FKTN: variants seen among roughly 807,000 people sequenced by gnomAD.
FKTN encodes ribitol-5-phosphate transferase FKTN.
A neutral mutation model predicts 58.6 loss-of-function variants in FKTN; 47 were observed. The observed-to-expected ratio is 0.80, with a 90% CI of 0.63 to 1.02. FKTN has a LOEUF of 1.02. Among genes scored for constraint, FKTN ranks in the 50% least tolerant of loss-of-function variants. FKTN has a pLI of 0.00. For missense variants in FKTN, 516 were observed against 537.3 expected (o/e 0.96, Z 0.39); for synonymous variants, 178 against 191.9 (o/e 0.93, Z 0.60).
intron 10 of FKTN, among the ~76,000 whole-genome samples, chr9:105,621,284 G>A (rs1831891727): frequency 6.6e-6 from 1 of 152,070 alleles, no homozygotes; most frequent in African/African-American, 2.4e-5. Flanking sequence ...AGATGGCTGA[G>A]TAGAGTAGTT....
At chr9:105,576,159 T>C (rs1182399312) in intron 3 of FKTN, among the ~76,000 whole-genome samples, 3 of 151,262 alleles carry the variant, frequency 2.0e-5, no homozygotes, top group Non-Finnish European at 1.5e-5. Context: ...TTTTTTTTTT[T>C]TTAATTAATT....
At chr9:105,632,333 G>A (rs1186408612) in intron 10 of FKTN, among the ~76,000 whole-genome samples, 21 of 151,898 alleles carry the variant, frequency 1.4e-4, no homozygotes, top group Middle Eastern at 3.4e-3. Context: ...ACGAGTTAGT[G>A]GGTGCAGTGC....
chr9:105,615,134 T>A lies in FKTN; in HGVS notation c.781-144T>A. On this transcript the variant is annotated intron_variant, in intron 7 of 10. Coordinates refer to ENST00000357998, the MANE Select transcript of FKTN (RefSeq NM_001079802.2). ...CCTGACCCCAAGTGATCCACCTGCC[T>A]TGGCTTCCCAAAGTTCTGGGGTTAC... 8 of 822,486 alleles carry A rather than the reference T, an allele frequency of 9.7e-6. No individual in the cohort carries two copies. The Admixed American group carries it at 1.6e-4, about 16-fold the overall frequency. 50.9% of individuals were successfully genotyped at this position (822,486 alleles called of 1,614,324 possible). A position where few individuals can be genotyped will look rare whatever the true frequency, so the allele number is the denominator to read the frequency against.
In FKTN at chr9:105,637,685, T is replaced by G; in HGVS notation, c.*2421T>G. The G allele has an allele frequency of 1.0e-6, 1 of 985,408 alleles. No homozygotes were observed. Among genetic ancestry groups the G allele is most frequent in the Non-Finnish European group, 1.2e-6 (1 of 829,904 alleles). The allele number at this position is 985,408 out of a possible 1,614,324, so 61.0% of individuals were successfully genotyped here. ...CACTTTCAGGTTTAGTTTACCTGGC[T>G]TACCTGGGGAAGTTGACAACTTGTT... On this transcript the variant is annotated 3_prime_UTR_variant, in exon 11 of 11. Coordinates refer to ENST00000357998, the MANE Select transcript of FKTN (RefSeq NM_001079802.2).
At chr9:105,620,977 G>C (rs1476663552) in intron 10 of FKTN, among the ~76,000 whole-genome samples, 1 of 152,038 alleles carries the variant, frequency 6.6e-6, no homozygotes, top group Non-Finnish European at 1.5e-5. Flanking sequence ...GCCAGTATTA[G>C]AGTCCTGTTA....
chr9:105,592,389 A>C (rs1845054564), intron 3 of FKTN, among the ~76,000 whole-genome samples: 1 of 152,182 alleles, frequency 6.6e-6, no homozygotes, highest in African/African-American at 2.4e-5. Flanking sequence ...CTATAATCTC[A>C]GCACTTTGGT....
In FKTN at chr9:105,617,673, TCAAA is replaced by T. The variant is rs142409956; in HGVS notation, c.911-281_911-278del. 0.017 allele frequency among the ~76,000 whole-genome samples: 2,535 copies of T among 152,222 alleles called. 91 individuals are homozygous for T. Among genetic ancestry groups the T allele is most frequent in the African/African-American group, 0.056 (2,343 of 41,510 alleles). On this transcript the variant is annotated intron_variant, in intron 8 of 10. Coordinates refer to ENST00000357998, the MANE Select transcript of FKTN (RefSeq NM_001079802.2). ...ATAGATAGAAGGTTCAGGTGACTGC[TCAAA>T]CAAAGTCATTTAGTTTGAGGTTTAA...
intron 1 of FKTN, among the ~76,000 whole-genome samples, chr9:105,559,802 A>G (rs185222937): frequency 4.6e-4 from 70 of 152,318 alleles, no homozygotes; most frequent in African/African-American, 1.6e-3. Flanking sequence ...GTTTTCTCTC[A>G]CAGGTGGTAG....
intron 3 of FKTN, among the ~76,000 whole-genome samples, chr9:105,593,630 C>T (rs1845307011): frequency 6.6e-6 from 1 of 152,136 alleles, no homozygotes; most frequent in African/African-American, 2.4e-5. Context: ...AAAGTGCCAA[C>T]ATCTGAGGTT....
At chr9:105,582,309 A>G (rs748827329) in intron 3 of FKTN, among the ~76,000 whole-genome samples, 6 of 152,140 alleles carry the variant, frequency 3.9e-5, no homozygotes, top group East Asian at 3.9e-4. Flanking sequence ...TCCTGCCTCA[A>G]TCTCCTGAGT....
At chr9:105,622,956 G>C (rs2518133) in intron 10 of FKTN, 7 of 152,056 alleles carry the variant, frequency 4.6e-5, no homozygotes, top group Non-Finnish European at 1.0e-4. Context: ...TTAGTTCTCA[G>C]TCTTTCACTT....
rs1833996297 is a variant in FKTN at position 105,635,871 on chromosome 9, T to C, written c.*607T>C. The stretch of plus-strand genomic sequence containing the variant: ...CTTTTAGGGAAGGTGAGAGCTTATT[T>C]GTATCAGAGCTTATTACTTGTCAGG... On this transcript the variant is annotated 3_prime_UTR_variant, in exon 11 of 11. Coordinates refer to ENST00000357998, the MANE Select transcript of FKTN (RefSeq NM_001079802.2). The C allele has an allele frequency of 2.0e-6, 2 of 992,708 alleles. No individual in the cohort carries two copies. 61.5% of individuals were successfully genotyped at this position (992,708 alleles called of 1,614,324 possible). A position where few individuals can be genotyped will look rare whatever the true frequency, so the allele number is the denominator to read the frequency against.
At chr9:105,617,234 G>A (rs1198140890) in intron 8 of FKTN, among the ~76,000 whole-genome samples, 3 of 152,128 alleles carry the variant, frequency 2.0e-5, no homozygotes, top group Admixed American at 6.5e-5. Context: ...AAGATCATAG[G>A]GGAGACCCAG....
chr9:105,595,178 G>C (rs193095047), intron 3 of FKTN, among the ~76,000 whole-genome samples: 1 of 152,278 alleles, frequency 6.6e-6, no homozygotes, highest in Admixed American at 6.5e-5. Flanking sequence ...AGTGGAGGAG[G>C]AAAGGGGAGT....
intron 1 of FKTN, among the ~76,000 whole-genome samples, chr9:105,566,745 A>T (rs1839699196): frequency 6.6e-6 from 1 of 152,228 alleles, no homozygotes; most frequent in African/African-American, 2.4e-5. Flanking sequence ...ATTCCTTCTG[A>T]AATTATTCCA....
In FKTN at chr9:105,619,995, T is replaced by C. The variant is rs780791268; in HGVS notation, c.1106T>C (p.Phe369Ser). The stretch of plus-strand genomic sequence containing the variant: ...GATGATGTAAAACTTGATGTTTTTT[T>C]CTTCTATGAAGAAACTGATCACATG... ...GKDDVKLDVF[F>S]FYEETDHMWN... The change falls in exon 10 of 11, where the codon TTC becomes TCC. Residue 369 changes from phenylalanine to serine, a missense_variant. Transcript: ENST00000357998. 6.2e-7 allele frequency: 1 copy of C among 1,613,040 alleles called. No individual in the cohort carries two copies. Among genetic ancestry groups the C allele is most frequent in the Admixed American group, 1.7e-5 (1 of 60,020 alleles).
In FKTN at chr9:105,640,061, C is replaced by A. The variant is rs1216645455; in HGVS notation, c.*4797C>A. ...AAAGGAGAATTGAAAATACTCATTTCTACTTTCTGCCCTCAAATTTCTGTT... is the reference window on the plus strand; with the variant it reads ...AAAGGAGAATTGAAAATACTCATTTATACTTTCTGCCCTCAAATTTCTGTT... On this transcript the variant is annotated 3_prime_UTR_variant, in exon 11 of 11. Coordinates refer to ENST00000357998, the MANE Select transcript of FKTN (RefSeq NM_001079802.2). 1 of 1,534,394 alleles carries A rather than the reference C, an allele frequency of 6.5e-7. No homozygotes were observed. The highest frequency in any genetic ancestry group is 8.7e-7 in the Non-Finnish European group (1 of 1,145,824).
In FKTN at chr9:105,635,331, A is replaced by G. The variant is rs1449172972; in HGVS notation, c.*67A>G. ...AGGTAGATAACTGTTTAAAAAATAC[A>G]TGTCTATTTGTCAAACATAAGTGGG... On this transcript the variant is annotated 3_prime_UTR_variant, in exon 11 of 11. Coordinates refer to ENST00000357998, the MANE Select transcript of FKTN (RefSeq NM_001079802.2). 1.9e-6 allele frequency: 3 copies of G among 1,608,144 alleles called. No homozygotes were observed. The highest frequency in any genetic ancestry group is 1.1e-5 in the South Asian group (1 of 89,936).
At chr9:105,558,748 G>C (rs1180143903) in intron 1 of FKTN, among the ~76,000 whole-genome samples, 1 of 152,122 alleles carries the variant, frequency 6.6e-6, no homozygotes, top group Non-Finnish European at 1.5e-5. Flanking sequence ...GTGAATGATA[G>C]AGCAGTATAT....
Sources: allele counts gnomAD v4.1 joint callset (sites outside exome capture counted in the v4.1 genomes callset), GRCh38; gene constraint gnomAD v4.1.1; transcripts MANE v1.5; gene names NCBI Gene and HGNC (gene_info 2026-07-23, HGNC 2026-07-21).